CSDE1: variants seen among roughly 807,000 people sequenced by gnomAD.
The protein encoded by CSDE1 is cold shock domain containing E1.
CSDE1 carries 17 observed loss-of-function variants against 89.3 expected under a neutral mutation model. The observed-to-expected ratio is 0.19, with a 90% CI of 0.13 to 0.29. The LOEUF (loss-of-function observed/expected upper bound fraction) is 0.29, where lower values mean the gene tolerates loss of function less well. Among genes scored for constraint, CSDE1 ranks in the 10% least tolerant of loss-of-function variants. The pLI is 1.00. For missense variants in CSDE1, 672 were observed against 984.2 expected, an observed-to-expected ratio of 0.68 and a Z score of 4.24; for synonymous variants, 322 against 332.8, an observed-to-expected ratio of 0.97 and a Z score of 0.35.
intron 3 of CSDE1, 64 bp downstream of exon 3, chr1:114,739,628 A>G: frequency 7.1e-7 from 1 of 1,414,118 alleles, no homozygotes; most frequent in Non-Finnish European, 9.9e-7. Context: ...AACACTCATG[A>G]ACAAATTGAT....
In CSDE1 at chr1:114,736,840, T is replaced by C; in HGVS notation, c.418A>G (p.Thr140Ala). ...CCTTCGACATCTTCAGGGGTGTAAGTCAGATAAAACACTTCCTGTGAATTA... is the reference window on the plus strand; with the variant it reads ...CCTTCGACATCTTCAGGGGTGTAAGCCAGATAAAACACTTCCTGTGAATTA... ...YERNGEVFYLTYTPEDVEGNV... is the reference protein window; with the variant it reads ...YERNGEVFYLAYTPEDVEGNV... Residue 140 changes from threonine (T) to alanine (A), a missense_variant, in exon 6 of 20, where the codon ACT becomes GCT. This residue lies in a region of CSDE1 where 124 missense variants were observed against 138.7 expected (regional missense o/e 0.89). Transcript: ENST00000358528. 6.2e-7 allele frequency: 1 copy of C among 1,611,592 alleles called. No individual in the cohort carries two copies. The highest frequency in any genetic ancestry group is 1.1e-5 in the South Asian group (1 of 90,784).
chr1:114,752,783 T>C (rs1056138707), intron 1 of CSDE1, among the ~76,000 whole-genome samples: 1 of 152,246 alleles, frequency 6.6e-6, no homozygotes, highest in African/African-American at 2.4e-5. Flanking sequence ...ATCCACTGCC[T>C]GCACCAAGCA....
intron 16 of CSDE1, among the ~76,000 whole-genome samples, 162 bp from the exon 17 acceptor site, chr1:114,720,879 A>C (rs551223755): frequency 6.6e-6 from 1 of 152,360 alleles, no homozygotes; most frequent in South Asian, 2.1e-4. Flanking sequence ...ATGAAATCCT[A>C]AATGTTAAAT....
At chr1:114,757,021 A>T (rs1661635510) in intron 1 of CSDE1, 1 of 152,302 alleles carries the variant, frequency 6.6e-6, no homozygotes, top group African/African-American at 2.4e-5. Context: ...TTCATTGCAC[A>T]ATGTGGGTGG....
At chr1:114,718,311 A>T in intron 19 of CSDE1, 95 bp from the exon 20 acceptor site, 1 of 1,396,318 alleles carries the variant, frequency 7.2e-7, no homozygotes, top group Non-Finnish European at 1.0e-6. Context: ...CTACAAAAGC[A>T]TTATTTTTAA....
chr1:114,732,189 G>A (rs1660138612), intron 10 of CSDE1, among the ~76,000 whole-genome samples: 1 of 151,994 alleles, frequency 6.6e-6, no homozygotes, highest in Admixed American at 6.6e-5. Flanking sequence ...CTAGATCATG[G>A]GTGTTCAATC....
chr1:114,728,041 C>T (rs1317847322), intron 12 of CSDE1, among the ~76,000 whole-genome samples: 2 of 152,150 alleles, frequency 1.3e-5, no homozygotes, highest in African/African-American at 2.4e-5. Context: ...CCTCTTCTAC[C>T]AATCACATTC....
intron 16 of CSDE1, among the ~76,000 whole-genome samples, chr1:114,721,165 C>A (rs1659498868): frequency 6.6e-6 from 1 of 152,112 alleles, no homozygotes; most frequent in African/African-American, 2.4e-5. Flanking sequence ...AAATTTGACA[C>A]CCCACCTCCT....
At chr1:114,732,292 T>C (rs943788493) in intron 10 of CSDE1, among the ~76,000 whole-genome samples, 1 of 152,132 alleles carries the variant, frequency 6.6e-6, no homozygotes, top group Non-Finnish European at 1.5e-5. Flanking sequence ...TTTGGGAAAA[T>C]CTACTTTCTA....
chr1:114,744,745 G>A (rs1660925331), intron 2 of CSDE1, among the ~76,000 whole-genome samples: 1 of 144,194 alleles, frequency 6.9e-6, no homozygotes, highest in Admixed American at 6.7e-5. Context: ...AAAAGCACAA[G>A]CTTTTATACT....
intron 1 of CSDE1, 70 bp downstream of exon 1, chr1:114,757,855 C>A: frequency 6.5e-6 from 1 of 152,870 alleles, no homozygotes; most frequent in Non-Finnish European, 1.5e-5. Flanking sequence ...TTCTCGTTAG[C>A]CTTGGTCTTA....
Position 114,732,724 on chromosome 1 carries a change from C to A in CSDE1, c.930G>T (p.Leu310=), listed in dbSNP as rs1199894545. The part of the protein sequence containing the change: ...GDKDTKSKVT[L]LEGDHVRFNI... The stretch of plus-strand genomic sequence containing the variant: ...TAAACCTAACATGGTCACCTTCCAG[C>A]AGGGTCACCTTGGATTTCGTATCTT... Residue 310 remains leucine, a synonymous_variant, in exon 10 of 20, where the codon CTG becomes CTT. Coordinates refer to ENST00000358528, the MANE Select transcript of CSDE1 (RefSeq NM_001007553.3). 6.2e-7 allele frequency: 1 copy of A among 1,613,996 alleles called. No homozygotes were observed. Among genetic ancestry groups the A allele is most frequent in the Non-Finnish European group, 8.5e-7 (1 of 1,179,994 alleles).
chr1:114,718,333 A>C (rs1244329289), intron 19 of CSDE1, 117 bp from the exon 20 acceptor site: 2 of 1,236,472 alleles, frequency 1.6e-6, no homozygotes, highest in Non-Finnish European at 2.3e-6. Context: ...CATCTTATGC[A>C]GTACTAATTC....
chr1:114,720,428 A>T, intron 17 of CSDE1, 111 bp downstream of exon 17: 1 of 1,075,228 alleles, frequency 9.3e-7, no homozygotes, highest in Non-Finnish European at 1.3e-6. Flanking sequence ...TGAAGTAGAA[A>T]TAAAAAAACG....
At chr1:114,728,858 C>A (rs1557994243) in intron 12 of CSDE1, among the ~76,000 whole-genome samples, 1 of 152,172 alleles carries the variant, frequency 6.6e-6, no homozygotes, top group African/African-American at 2.4e-5. Flanking sequence ...TGGCTAATAG[C>A]AATTATTAAA....
At chr1:114,751,388 T>A (rs1177186401) in intron 1 of CSDE1, among the ~76,000 whole-genome samples, 1 of 152,202 alleles carries the variant, frequency 6.6e-6, no homozygotes, top group East Asian at 1.9e-4. Context: ...GAAGAATGAT[T>A]ATCAGGTGAG....
Position 114,753,288 on chromosome 1 carries a change from A to G in CSDE1, c.-387-3081T>C, listed in dbSNP as rs566091439. On this transcript the variant is annotated intron_variant, in intron 1 of 19. Transcript: ENST00000358528. Reference sequence around the variant, plus strand: ...TAACACAAAAAAAGAGATTTCTGGAACTGAAACTCTGGAGTACTGCAGGGC... The same window carrying G: ...TAACACAAAAAAAGAGATTTCTGGAGCTGAAACTCTGGAGTACTGCAGGGC... Among the ~76,000 whole-genome samples, 170 of 151,206 alleles carry G rather than the reference A, an allele frequency of 1.1e-3. 1 individual carries two copies. The highest frequency in any genetic ancestry group is 2.3e-3 in the Non-Finnish European group (155 of 67,856).
At chr1:114,741,328 T>C (rs1324581153) in intron 2 of CSDE1, among the ~76,000 whole-genome samples, 1 of 152,220 alleles carries the variant, frequency 6.6e-6, no homozygotes, top group Admixed American at 6.5e-5. Flanking sequence ...GTGATAATAA[T>C]GCTTCTGATT....
At chr1:114,721,570 T>C (rs1045083650) in intron 16 of CSDE1, among the ~76,000 whole-genome samples, 1 of 152,152 alleles carries the variant, frequency 6.6e-6, no homozygotes, top group Non-Finnish European at 1.5e-5. Flanking sequence ...CTCTTGATGA[T>C]TACAGGGTAA....
Sources: gnomAD v4.1 joint callset for allele counts (sites outside exome capture counted in the v4.1 genomes callset) on GRCh38, gnomAD v4.1.1 for gene constraint, gnomAD v4.1.1 regional missense constraint, MANE v1.5 for transcripts, NCBI Gene and HGNC (gene_info 2026-07-23, HGNC 2026-07-21) for gene names.